USP8: variants seen among roughly 807,000 people sequenced by gnomAD.
USP8 encodes the protein ubiquitin carboxyl-terminal hydrolase 8.
A neutral mutation model predicts 130.0 loss-of-function variants in USP8; 27 were observed. The ratio of observed to expected loss-of-function variants is 0.21; its 90% confidence interval spans 0.15 to 0.29. The LOEUF is 0.29. Ranked by LOEUF, USP8 falls within the 10% of genes least tolerant of loss-of-function variation. The probability of loss-of-function intolerance (pLI) is 1.00; values close to 1 mark genes in which losing one functional copy is unlikely to be tolerated. For missense variants in USP8, 1,029 were observed against 1,312.2 expected, an observed-to-expected ratio of 0.78 and a Z score of 3.33; for synonymous variants, 392 against 444.1, an observed-to-expected ratio of 0.88 and a Z score of 1.48.
Position 50,471,785 on chromosome 15 carries a change from C to G in USP8, c.839C>G (p.Ala280Gly). ...IGTTLRSLKD[A>G]LFKWESKTVL... is the part of the protein sequence containing the mutation. ...ACAACTCTCCGGAGTCTGAAAGATG[C>G]ACTTTTCAAGGTTTGCAAGTTTCAT... The change falls in exon 8 of 20, where the codon GCA becomes GGA. Residue 280 changes from alanine to glycine, a missense_variant. Coordinates refer to ENST00000307179, the MANE Select transcript of USP8 (RefSeq NM_005154.5). 1.2e-6 allele frequency: 2 copies of G among 1,613,564 alleles called. No homozygotes were observed. The highest frequency in any genetic ancestry group is 1.7e-6 in the Non-Finnish European group (2 of 1,179,906).
intron 4 of USP8, among the ~76,000 whole-genome samples, chr15:50,449,924 C>T (rs547692157): frequency 2.1e-3 from 244 of 113,936 alleles, no homozygotes; most frequent in African/African-American, 8.0e-3. Flanking sequence ...GAGACGGAGT[C>T]TCACTGTTGC....
chr15:50,441,306 A>G, intron 2 of USP8, 43 bp from the exon 3 acceptor site: 3 of 1,532,174 alleles, frequency 2.0e-6, no homozygotes, highest in Non-Finnish European at 2.6e-6. Context: ...ATTTTTTCCC[A>G]GATGTCAATT....
intron 3 of USP8, among the ~76,000 whole-genome samples, chr15:50,442,678 G>A (rs985253481): frequency 6.6e-6 from 1 of 152,226 alleles, no homozygotes; most frequent in Non-Finnish European, 1.5e-5. Flanking sequence ...CTGGGAGGCA[G>A]AGGTTGCAGT....
rs2052646221 is a variant in USP8, at chr15:50,505,466, TGA to T, written c.*6383_*6384del. On this transcript the variant is annotated 3_prime_UTR_variant, in exon 20 of 20. Coordinates refer to ENST00000307179, the MANE Select transcript of USP8 (RefSeq NM_005154.5). ...AGTGAATTAAAGACTTCTCAAAGAC[TGA>T]GAGACTTCAGGATAACAGACCCTCA... 1 of 152,206 alleles carries T rather than the reference TGA, an allele frequency of 6.6e-6. No individual in the cohort carries two copies. Among genetic ancestry groups the T allele is most frequent in the Non-Finnish European group, 1.5e-5 (1 of 68,040 alleles). 9.4% of individuals were successfully genotyped at this position (152,206 alleles called of 1,614,324 possible).
chr15:50,458,521 A>G (rs140888325), intron 4 of USP8: 103 of 164,562 alleles, frequency 6.3e-4, no homozygotes, highest in Admixed American at 1.9e-3. Flanking sequence ...TAGCTGTTTA[A>G]CTGCCAACAA....
chr15:50,461,056 G>T (rs559014531), intron 5 of USP8, among the ~76,000 whole-genome samples: 1 of 151,724 alleles, frequency 6.6e-6, no homozygotes, highest in Non-Finnish European at 1.5e-5. Flanking sequence ...GCAGTGGCGC[G>T]ATCTCAGCTC....
In USP8 at chr15:50,462,353, T is replaced by G. The variant is rs760125696; in HGVS notation, c.541+31T>G. The G allele has an allele frequency of 5.7e-6, 9 of 1,575,260 alleles. No homozygotes were observed. In the South Asian group the frequency reaches 1.1e-4, roughly 19 times the overall value. On this transcript the variant is annotated intron_variant, in intron 6 of 19. Coordinates refer to ENST00000307179, the MANE Select transcript of USP8 (RefSeq NM_005154.5). ...TGTGTACAGAAGGAGGAAGTTGTTT[T>G]AGGTTCTGACTGAGATCTTTTAATC...
At chr15:50,457,090 A>G (rs1488792172) in intron 4 of USP8, among the ~76,000 whole-genome samples, 3 of 152,196 alleles carry the variant, frequency 2.0e-5, no homozygotes, top group Non-Finnish European at 4.4e-5. Context: ...CACTATTAAC[A>G]TGATGTTGAA....
At chr15:50,436,439 A>C (rs1029926660) in intron 1 of USP8, among the ~76,000 whole-genome samples, 1 of 152,292 alleles carries the variant, frequency 6.6e-6, no homozygotes, top group East Asian at 1.9e-4. Context: ...ATATCATACT[A>C]TGCTGTATTA....
chr15:50,432,002 A>G (rs2049949299), intron 1 of USP8, among the ~76,000 whole-genome samples: 2 of 152,144 alleles, frequency 1.3e-5, no homozygotes, highest in African/African-American at 4.8e-5. Context: ...TCTGTCCTCA[A>G]GGCCAGGTTC....
chr15:50,475,964 A>T (rs1176014597), intron 8 of USP8, among the ~76,000 whole-genome samples: 2 of 152,192 alleles, frequency 1.3e-5, no homozygotes, highest in African/African-American at 4.8e-5. Flanking sequence ...TGAAAACCTT[A>T]AAATGTTCGT....
Position 50,503,891 on chromosome 15 carries a change from T to C in USP8, c.*4803T>C, listed in dbSNP as rs1480347324. On this transcript the variant is annotated 3_prime_UTR_variant, in exon 20 of 20. Coordinates refer to ENST00000307179, the MANE Select transcript of USP8 (RefSeq NM_005154.5). ...ATAAGAGTCAGAAGGCAATAAGATT[T>C]AAACCCCCAAGGACTTTAGATAATA... The C allele has an allele frequency of 1.3e-5, 2 of 152,174 alleles. No individual in the cohort carries two copies. Among genetic ancestry groups the C allele is most frequent in the Non-Finnish European group, 2.9e-5 (2 of 68,032 alleles). The allele number at this position is 152,174 out of a possible 1,614,324, so 9.4% of individuals were successfully genotyped here. A position where few individuals can be genotyped will look rare whatever the true frequency, so the allele number is the denominator to read the frequency against.
At chr15:50,440,708 A>C (rs1470528749) in intron 2 of USP8, among the ~76,000 whole-genome samples, 1 of 152,092 alleles carries the variant, frequency 6.6e-6, no homozygotes, top group African/African-American at 2.4e-5. Flanking sequence ...TCTCATAAAG[A>C]ATGCGCAACC....
chr15:50,482,192 C>T, intron 11 of USP8, 127 bp downstream of exon 11: 1 of 785,468 alleles, frequency 1.3e-6, no homozygotes, highest in Non-Finnish European at 1.8e-6. Flanking sequence ...ATAGAATGTA[C>T]TGATCTATCC....
chr15:50,442,010 CTTG>C (rs1428472101), intron 3 of USP8, among the ~76,000 whole-genome samples: 7 of 114,030 alleles, frequency 6.1e-5, no homozygotes, highest in East Asian at 2.8e-4. Context: ...GAGTTTCACT[CTTG>C]TTGTCCAGGC....
chr15:50,493,818 T>C, intron 15 of USP8: 1 of 627,208 alleles, frequency 1.6e-6, no homozygotes, highest in Non-Finnish European at 2.9e-6. Context: ...AGGCAGAACC[T>C]CGCTGTCATG....
At chr15:50,445,564 A>AAAAAAG in intron 3 of USP8, among the ~76,000 whole-genome samples, 2 of 106,662 alleles carry the variant, frequency 1.9e-5, no homozygotes, top group African/African-American at 3.5e-5. Context: ...AAAAAAAAAA[A>AAAAAAG]AAAAAGCCTG....
intron 5 of USP8, among the ~76,000 whole-genome samples, chr15:50,459,996 C>CCCTT (rs567135111): frequency 1.1e-5 from 1 of 91,984 alleles, no homozygotes. Context: ...CACCCCCCCC[C>CCCTT]TTTTTTTTTT....
At position 50,429,197 on chromosome 15, in the gene USP8, A is replaced by G. The variant is rs957092352; in HGVS notation, c.-66+4683A>G. On this transcript the variant is annotated intron_variant, in intron 1 of 19. Transcript: ENST00000307179. ...ACTACACTAAATTCTGAAACATACC[A>G]ATAATGGTGTAAACCCACATGTCTT... Among the ~76,000 whole-genome samples the G allele has an allele frequency of 1.5e-4, 23 of 152,234 alleles. 1 individual carries two copies. The highest frequency in any genetic ancestry group is 4.8e-4 in the African/African-American group (20 of 41,458).
Sources: allele counts gnomAD v4.1 joint callset (sites outside exome capture counted in the v4.1 genomes callset), GRCh38; gene constraint gnomAD v4.1.1; transcripts MANE v1.5; gene names NCBI Gene and HGNC (gene_info 2026-07-23, HGNC 2026-07-21).